The following DOT1L variants were observed in gnomAD, a reference collection of about 807,000 sequenced individuals.
DOT1L encodes histone-lysine N-methyltransferase, H3 lysine-79 specific.
In DOT1L, 33 loss-of-function variants were observed where a neutral mutation model predicts 153.3. The ratio of observed to expected loss-of-function variants is 0.22; its 90% CI spans 0.16 to 0.29. The LOEUF (loss-of-function observed/expected upper bound fraction) is 0.29. DOT1L is among the 10% of genes least tolerant of loss of function. DOT1L has a pLI of 1.00. For missense variants in DOT1L, 1,847 were observed against 2,119.9 expected (o/e 0.87, Z 2.53); for synonymous variants, 1,135 against 965.1 (o/e 1.18, Z -3.26).
rs756221511 is a variant in DOT1L at position 2,227,366 on chromosome 19, G to C, written c.4606+239G>C. ...ACCGCGTCCCTCTTGTTTTCAGAAG[G>C]CCACCGTGCGCAGGGCCACCAGAGC... On this transcript the variant is annotated intron_variant, in intron 27 of 27. Transcript: ENST00000398665. The C allele has an allele frequency of 4.2e-6, 3 of 721,060 alleles. No individual in the cohort carries two copies. In the African/African-American group the frequency reaches 5.3e-5, roughly 13 times the overall value. The allele number at this position is 721,060 out of a possible 1,614,324, so 44.7% of individuals were successfully genotyped here.
chr19:2,197,742 T>C lies in DOT1L; in HGVS notation c.652-2142T>C, dbSNP rs549219030. Reference sequence around the variant, plus strand: ...GAAAGCGTGGCATTCTTCGTGGCTTTGGCAACACGTGTCAGAAAGAACCTG... The same window carrying C: ...GAAAGCGTGGCATTCTTCGTGGCTTCGGCAACACGTGTCAGAAAGAACCTG... On this transcript the variant is annotated intron_variant, in intron 7 of 27. Coordinates refer to ENST00000398665, the MANE Select transcript of DOT1L (RefSeq NM_032482.3). This position sits in a 1 kb window ranked among gnomAD's most constrained non-coding sequence, Gnocchi z 4.1. 4.2e-4 allele frequency among the ~76,000 whole-genome samples: 64 copies of C among 152,256 alleles called. No homozygotes were observed. Among genetic ancestry groups the C allele is most frequent in the Non-Finnish European group, 8.4e-4 (57 of 68,032 alleles).
intron 2 of DOT1L, among the ~76,000 whole-genome samples, chr19:2,185,194 G>A (rs1599551830): frequency 6.6e-6 from 1 of 152,070 alleles, no homozygotes; most frequent in Admixed American, 6.6e-5. Flanking sequence ...GTGAGCCACC[G>A]CACCCGGCAC....
chr19:2,214,841 G>A (rs1278759169), intron 19 of DOT1L: 2 of 478,914 alleles, frequency 4.2e-6, no homozygotes, highest in Non-Finnish European at 3.7e-6. Context: ...AATGCGCAGC[G>A]CTAACCTAGG....
intron 2 of DOT1L, 103 bp from the exon 3 acceptor site, chr19:2,185,751 AG>A: frequency 8.1e-7 from 1 of 1,241,660 alleles, no homozygotes; most frequent in Non-Finnish European, 1.2e-6. Flanking sequence ...CCTGGGCAAC[AG>A]AGTGAGACTC....
At chr19:2,166,998 C>T (rs1040092181) in intron 1 of DOT1L, among the ~76,000 whole-genome samples, 1 of 152,168 alleles carries the variant, frequency 6.6e-6, no homozygotes, top group African/African-American at 2.4e-5. Context: ...TTCAGGCGGC[C>T]AAATCCGTGT....
intron 2 of DOT1L, 37 bp downstream of exon 2, chr19:2,180,793 C>A: frequency 6.2e-7 from 1 of 1,612,356 alleles, no homozygotes; most frequent in South Asian, 1.1e-5. Context: ...TCTTCACAGC[C>A]CTGAGCCACT....
chr19:2,180,794 C>G, intron 2 of DOT1L, 38 bp downstream of exon 2: 1 of 1,612,284 alleles, frequency 6.2e-7, no homozygotes, highest in Non-Finnish European at 8.5e-7. Flanking sequence ...CTTCACAGCC[C>G]TGAGCCACTT....
chr19:2,227,388 G>A (rs1203178246), intron 27 of DOT1L: 2 of 703,106 alleles, frequency 2.8e-6, no homozygotes, highest in Admixed American at 4.1e-5. Context: ...AGGGCCACCA[G>A]AGCATTACTT....
intron 23 of DOT1L, chr19:2,221,107 G>A (rs2024097658): frequency 6.3e-6 from 1 of 157,912 alleles, no homozygotes; most frequent in Admixed American, 6.1e-5. Flanking sequence ...ATCCTGGGAG[G>A]TGGAGGTTGC....
Position 2,194,538 on chromosome 19 carries a change from G to T in DOT1L, c.612G>T (p.Lys204Asn). 6.2e-7 allele frequency: 1 copy of T among 1,613,900 alleles called. No homozygotes were observed. The highest frequency in any genetic ancestry group is 8.5e-7 in the Non-Finnish European group (1 of 1,180,016). Residue 204 changes from lysine to asparagine, a missense_variant, in exon 7 of 28, where the codon AAG (lysine) becomes AAT (asparagine). Physicochemically the swap from Lys to Asn is moderately conservative, Grantham distance 94. Coordinates refer to ENST00000398665, the MANE Select transcript of DOT1L (RefSeq NM_032482.3). ...YAETMDREFR[K>N]WMKWYGKKHA... ...AGACCATGGACCGCGAGTTCAGGAA[G>T]TGGATGAAATGGTATGGAAAAAAGC...
intron 19 of DOT1L, 191 bp from the exon 20 acceptor site, chr19:2,216,090 C>G (rs187185704): frequency 1.5e-6 from 1 of 687,666 alleles, no homozygotes; most frequent in Admixed American, 3.3e-5. Flanking sequence ...CATCCTCGGC[C>G]CTCCACATGA....
At chr19:2,183,507 C>T (rs1160941235) in intron 2 of DOT1L, among the ~76,000 whole-genome samples, 1 of 152,162 alleles carries the variant, frequency 6.6e-6, no homozygotes, top group Non-Finnish European at 1.5e-5. Context: ...CGTTGAGAAT[C>T]AGCCTTTCCA....
At chr19:2,180,835 T>C in intron 2 of DOT1L, 79 bp downstream of exon 2, 1 of 1,559,198 alleles carries the variant, frequency 6.4e-7, no homozygotes. Flanking sequence ...CAGATTCTGT[T>C]GTGGGGATGG....
chr19:2,178,232 ATT>A (rs554757647), intron 1 of DOT1L, among the ~76,000 whole-genome samples: 20 of 124,958 alleles, frequency 1.6e-4, no homozygotes, highest in African/African-American at 3.5e-4. Context: ...ATGCCTGGCC[ATT>A]TTTTTTTTTT....
At position 2,217,694 on chromosome 19, in the gene DOT1L, C is replaced by A; in HGVS notation, c.2545-78C>A. Reference sequence around the variant, plus strand: ...CCGCCTTGAGAGAGCTGTAGCAGGCCCCCGTCCTGTGGCTGTGGTCCCTGT... The same window carrying A: ...CCGCCTTGAGAGAGCTGTAGCAGGCACCCGTCCTGTGGCTGTGGTCCCTGT... On this transcript the variant is annotated intron_variant, in intron 21 of 27. Transcript: ENST00000398665. The surrounding 1 kb of genome is among the most constrained non-coding windows in gnomAD (Gnocchi z 7.3). 1 of 1,529,560 alleles carries A rather than the reference C, an allele frequency of 6.5e-7. No individual in the cohort carries two copies. The allele number at this position is 1,529,560 out of a possible 1,614,324, so 94.7% of individuals were successfully genotyped here.
In DOT1L at chr19:2,229,003, C is replaced by T. The variant is rs756725453; in HGVS notation, c.4607-782C>T. The T allele has an allele frequency of 2.2e-4, 215 of 985,422 alleles. 1 individual carries two copies. The highest frequency in any genetic ancestry group is 1.0e-3 in the Middle Eastern group (2 of 1,914). The allele number at this position is 985,422 out of a possible 1,614,324, so 61.0% of individuals were successfully genotyped here. A position where few individuals can be genotyped will look rare whatever the true frequency, so the allele number is the denominator to read the frequency against. On this transcript the variant is annotated intron_variant, in intron 27 of 27. Coordinates refer to ENST00000398665, the MANE Select transcript of DOT1L (RefSeq NM_032482.3). ...AAGCTCTGTGCCCTGCGTGTTGAGG[C>T]CCCCTTGCTGGACACGGCTGATGGC...
At position 2,191,259 on chromosome 19, in the gene DOT1L, G is replaced by C. The variant is rs1171794819; in HGVS notation, c.493+19G>C. ...GGGAGCGGTGAGTGTCGCCCGCCATGCCCGGCTCCTGTGCACTTCCAGGCC... is the reference window on the plus strand; with the variant it reads ...GGGAGCGGTGAGTGTCGCCCGCCATCCCCGGCTCCTGTGCACTTCCAGGCC... On this transcript the variant is annotated intron_variant, in intron 5 of 27. Transcript: ENST00000398665. The surrounding 1 kb of genome is among the most constrained non-coding windows in gnomAD (Gnocchi z 6.8). 6.2e-7 allele frequency: 1 copy of C among 1,612,052 alleles called. No homozygotes were observed. Among genetic ancestry groups the C allele is most frequent in the East Asian group, 2.2e-5 (1 of 44,856 alleles).
At position 2,222,521 on chromosome 19, in the gene DOT1L, A is replaced by C; in HGVS notation, c.3352A>C (p.Thr1118Pro). 6.4e-7 allele frequency: 1 copy of C among 1,569,370 alleles called. No homozygotes were observed. The highest frequency in any genetic ancestry group is 1.3e-5 in the African/African-American group (1 of 74,356). The change falls in exon 24 of 28, where the codon ACA (threonine) becomes CCA (proline). Residue 1118 changes from threonine to proline, a missense_variant. Physicochemically the swap from Thr to Pro is conservative, Grantham distance 38. Around this residue, in one of 8 missense-constraint regions of DOT1L, gnomAD observed 934 missense variants for 825.3 expected, o/e 1.13. Transcript: ENST00000398665. The surrounding 1 kb of genome is among the most constrained non-coding windows in gnomAD (Gnocchi z 6.5). ...CCTGCCGTCCGTCGCTGGCCTTTTC[A>C]CACAGCCTTCGGGGTCTCCCCTCAA... is the stretch of plus-strand genomic sequence containing the variant. ...RALPSVAGLF[T>P]QPSGSPLNLN...
intron 1 of DOT1L, among the ~76,000 whole-genome samples, chr19:2,167,516 C>G (rs1242176719): frequency 2.0e-5 from 3 of 152,218 alleles, no homozygotes; most frequent in Non-Finnish European, 4.4e-5. Context: ...CCCTCCCTGG[C>G]CAGGCCCTGG....
Sources: gnomAD v4.1 joint callset for allele counts (sites outside exome capture counted in the v4.1 genomes callset) on GRCh38, gnomAD v4.1.1 for gene constraint, gnomAD v4.1.1 regional missense constraint, Gnocchi (gnomAD v3.1) non-coding constraint, MANE v1.5 for transcripts, NCBI Gene and HGNC (gene_info 2026-07-23, HGNC 2026-07-21) for gene names.